LILRB4: variants seen among roughly 807,000 people sequenced by gnomAD.
LILRB4 encodes leukocyte immunoglobulin like receptor B4.
In LILRB4, 49 loss-of-function variants were observed where a neutral mutation model predicts 55.2. The ratio of observed to expected loss-of-function variants is 0.89; its 90% CI spans 0.71 to 1.13. The LOEUF is 1.13. Among genes scored for constraint, LILRB4 ranks in the 50% most tolerant of loss-of-function variants. LILRB4 has a pLI of 0.00. For synonymous variants in LILRB4, 229 were observed against 213.8 expected, an observed-to-expected ratio of 1.07 and a Z score of -0.62; for missense variants, 590 against 555.2, an observed-to-expected ratio of 1.06 and a Z score of -0.63.
At chr19:54,667,303 T>C in intron 10 of LILRB4, 1 of 587,364 alleles carries the variant, frequency 1.7e-6, no homozygotes, top group South Asian at 1.8e-5. Context: ...TCTGCTCAGC[T>C]GTCATCTGAG....
In LILRB4 at chr19:54,666,620, A is replaced by G; in HGVS notation, c.989-77A>G. On this transcript the variant is annotated intron_variant, in intron 9 of 11. Coordinates refer to ENST00000430952, the Ensembl canonical transcript of LILRB4. This position sits in a 1 kb window ranked among gnomAD's most constrained non-coding sequence, Gnocchi z 4.8. The stretch of plus-strand genomic sequence containing the variant: ...CTGCGTTGCAGTGGCACTAATGGGA[A>G]CAGGGCAGGGACCAGCAGGAATGAG... 4 of 1,524,046 alleles carry G rather than the reference A, an allele frequency of 2.6e-6. No homozygotes were observed. Among genetic ancestry groups the G allele is most frequent in the Middle Eastern group, 1.7e-4 (1 of 5,886 alleles). The allele number at this position is 1,524,046 out of a possible 1,614,324, so 94.4% of individuals were successfully genotyped here.
exon 12 of LILRB4, chr19:54,668,390 C>A: frequency 4.9e-6 from 1 of 204,650 alleles, no homozygotes; most frequent in Non-Finnish European, 9.9e-6. Context: ...AATGTTTATT[C>A]TTGAAAACAT....
rs201717421 is a variant in LILRB4 at position 54,666,771 on chromosome 19, C to A, written c.1041+22C>A. 7,900 of 1,610,960 alleles carry A rather than the reference C, an allele frequency of 4.9e-3. 31 individuals carry two copies. The highest frequency in any genetic ancestry group is 0.011 in the Middle Eastern group (66 of 5,952). ...TCGGGTGAGAACCCGCCCCTGTCCC[C>A]GGCACCAAAGGCCTCCTGGTGCCAG... is the stretch of plus-strand genomic sequence containing the variant. On this transcript the variant is annotated intron_variant, in intron 10 of 11. Coordinates refer to ENST00000430952, the Ensembl canonical transcript of LILRB4. The surrounding 1 kb of genome is among the most constrained non-coding windows in gnomAD (Gnocchi z 4.8).
At chr19:54,664,960 C>T (rs778061158) in intron 5 of LILRB4, 111 bp downstream of exon 5, 8 of 1,377,036 alleles carry the variant, frequency 5.8e-6, no homozygotes, top group East Asian at 2.4e-5. Context: ...CTTGCTTCCA[C>T]GGGTGTGGGA....
In LILRB4 at chr19:54,665,118, G is replaced by A. The variant is rs1440357652; in HGVS notation, c.707-12G>A. On this transcript the variant is annotated splice_polypyrimidine_tract_variant and intron_variant, in intron 5 of 11. Coordinates refer to ENST00000430952, the Ensembl canonical transcript of LILRB4. This position sits in a 1 kb window ranked among gnomAD's most constrained non-coding sequence, Gnocchi z 5.5. ...GGGCAGCCCCAGCCCTCACATCCCT[G>A]TTCTAACCCAGCAGGCCCTGAGGAC... 4.8e-5 allele frequency: 77 copies of A among 1,609,648 alleles called. No homozygotes were observed. The highest frequency in any genetic ancestry group is 6.3e-5 in the Non-Finnish European group (74 of 1,177,724).
chr19:54,665,710 G>T lies in LILRB4; in HGVS notation c.758-105G>T. ...TCTCAGGTTGCACAACTGCTGTGAGGGTTGGAGGTAATGAAAGAAAGACCC... is the reference window on the plus strand; with the variant it reads ...TCTCAGGTTGCACAACTGCTGTGAGTGTTGGAGGTAATGAAAGAAAGACCC... On this transcript the variant is annotated intron_variant, in intron 6 of 11. Transcript: ENST00000430952. The surrounding 1 kb of genome is among the most constrained non-coding windows in gnomAD (Gnocchi z 5.5). 2.3e-6 allele frequency: 3 copies of T among 1,318,500 alleles called. No homozygotes were observed. The highest frequency in any genetic ancestry group is 2.0e-5 in the Admixed American group (1 of 50,628). 81.7% of individuals were successfully genotyped at this position (1,318,500 alleles called of 1,614,324 possible). A position where few individuals can be genotyped will look rare whatever the true frequency, so the allele number is the denominator to read the frequency against.
chr19:54,668,616 A>G (rs55736564), downstream of LILRB4: 2,690 of 152,474 alleles, frequency 0.018, 37 homozygotes, highest in South Asian at 0.046. Context: ...CTTAATGAAC[A>G]TAAGGATAAA....
Position 54,666,074 on chromosome 19 carries a change from TGAGG to T in LILRB4, c.874+147_874+150del. The T allele has an allele frequency of 7.8e-7, 1 of 1,282,154 alleles. No homozygotes were observed. The highest frequency in any genetic ancestry group is 2.2e-5 in the Admixed American group (1 of 45,170). 79.4% of individuals were successfully genotyped at this position (1,282,154 alleles called of 1,614,324 possible). A position where few individuals can be genotyped will look rare whatever the true frequency, so the allele number is the denominator to read the frequency against. On this transcript the variant is annotated intron_variant, in intron 7 of 11. Coordinates refer to ENST00000430952, the Ensembl canonical transcript of LILRB4. This position sits in a 1 kb window ranked among gnomAD's most constrained non-coding sequence, Gnocchi z 4.8. ...GAAAATCTAGAAAGAAGAAAATGAA[TGAGG>T]GAGTAATGGAAGTGCTTTATTCTTT...
chr19:54,665,763 A>G lies in LILRB4; in HGVS notation c.758-52A>G. The G allele has an allele frequency of 6.5e-7, 1 of 1,529,408 alleles. No homozygotes were observed. Among genetic ancestry groups the G allele is most frequent in the East Asian group, 2.4e-5 (1 of 41,210 alleles). The allele number at this position is 1,529,408 out of a possible 1,614,324, so 94.7% of individuals were successfully genotyped here. On this transcript the variant is annotated intron_variant, in intron 6 of 11. Transcript: ENST00000430952. The surrounding 1 kb of genome is among the most constrained non-coding windows in gnomAD (Gnocchi z 5.5). ...CACACACAGTAGGTGCACACACAGT[A>G]GGTGTGCACATCAATGACATCATCC...
chr19:54,667,567 A>G (rs1782146103), intron 10 of LILRB4, 68 bp from the exon 11 acceptor site: 17 of 1,599,118 alleles, frequency 1.1e-5, no homozygotes, highest in Non-Finnish European at 1.2e-5. Context: ...CCCTGGGAAC[A>G]GTGGGGAAAA....
chr19:54,667,375 C>T lies in LILRB4; in HGVS notation c.1042-263C>T, dbSNP rs548235672. The T allele has an allele frequency of 1.6e-3, 1,058 of 678,030 alleles. 3 individuals are homozygous for T. Among genetic ancestry groups the T allele is most frequent in the Non-Finnish European group, 2.4e-3 (952 of 398,488 alleles). The allele number at this position is 678,030 out of a possible 1,614,324, so 42.0% of individuals were successfully genotyped here. ...GACGAGCCCCTGCAGGCAGAGGAAA[C>T]AGCCGTGCAAAGGCCCCGAGGCAGC... On this transcript the variant is annotated intron_variant, in intron 10 of 11. Coordinates refer to ENST00000430952, the Ensembl canonical transcript of LILRB4.
At position 54,666,182 on chromosome 19, in the gene LILRB4, G is replaced by T; in HGVS notation, c.875-58G>T. On this transcript the variant is annotated intron_variant, in intron 7 of 11. Coordinates refer to ENST00000430952, the Ensembl canonical transcript of LILRB4. The surrounding 1 kb of genome is among the most constrained non-coding windows in gnomAD (Gnocchi z 4.8). ...GGTTTCCTTTCCTCTTGACTTGCAT[G>T]TGCAAGGCAGGTGGTTCTAACGTTC... 1 of 1,474,762 alleles carries T rather than the reference G, an allele frequency of 6.8e-7. No individual in the cohort carries two copies. Among genetic ancestry groups the T allele is most frequent in the East Asian group, 2.3e-5 (1 of 44,000 alleles). The allele number at this position is 1,474,762 out of a possible 1,614,324, so 91.4% of individuals were successfully genotyped here. A position where few individuals can be genotyped will look rare whatever the true frequency, so the allele number is the denominator to read the frequency against.
chr19:54,663,209 G>T, intron 1 of LILRB4, 142 bp downstream of exon 1: 1 of 940,840 alleles, frequency 1.1e-6, no homozygotes, highest in Non-Finnish European at 1.6e-6. Flanking sequence ...CACTTTGGGA[G>T]GCCGAGGCGG....
At chr19:54,664,445 G>A (rs2065173360) in exon 4 of LILRB4, 1 of 1,591,096 alleles carries the variant, frequency 6.3e-7, no homozygotes, top group Non-Finnish European at 8.5e-7. Context: ...CCCACTACCT[G>A]CTGTCACACC....
In LILRB4 at chr19:54,666,299, G is replaced by C. The variant is rs146946125; in HGVS notation, c.934G>C (p.Gly312Arg). 234 of 1,610,034 alleles carry C rather than the reference G, an allele frequency of 1.5e-4. No individual in the cohort carries two copies. Among genetic ancestry groups the C allele is most frequent in the Non-Finnish European group, 1.9e-4 (229 of 1,177,878 alleles). The change falls in exon 8 of 12, where the codon GGG becomes CGG. Residue 312 changes from glycine (G) to arginine (R), a missense_variant. By Grantham distance (125) the Gly-to-Arg change is moderately radical (BLOSUM62 -2). Coordinates refer to ENST00000430952, the Ensembl canonical transcript of LILRB4. This position sits in a 1 kb window ranked among gnomAD's most constrained non-coding sequence, Gnocchi z 4.8. The stretch of plus-strand genomic sequence containing the variant: ...GGCTGCCGAGCCAGAGCCCAAGGAC[G>C]GGGGCCTACAGAGGAGGTAATTCTG...
Position 54,666,900 on chromosome 19 carries a change from C to A in LILRB4, c.1041+151C>A. 1.2e-6 allele frequency: 1 copy of A among 840,244 alleles called. No individual in the cohort carries two copies. The highest frequency in any genetic ancestry group is 1.3e-5 in the South Asian group (1 of 74,994). 52.0% of individuals were successfully genotyped at this position (840,244 alleles called of 1,614,324 possible). On this transcript the variant is annotated intron_variant, in intron 10 of 11. Transcript: ENST00000430952. The surrounding 1 kb of genome is among the most constrained non-coding windows in gnomAD (Gnocchi z 4.8). ...CGCTGCCTCCTGCCTGCTGGGACCT[C>A]ACTCTCTCCTGCTGTCCTGGGACCT...
In LILRB4 at chr19:54,666,471, G is replaced by A. The variant is rs977413815; in HGVS notation, c.988+35G>A. On this transcript the variant is annotated intron_variant, in intron 9 of 11. Transcript: ENST00000430952. This position sits in a 1 kb window ranked among gnomAD's most constrained non-coding sequence, Gnocchi z 4.8. ...AGGCAGAGAAGGTGCACCTGGGGTG[G>A]AGCTGGGGGTCCCAAAATTTCAATA... The A allele has an allele frequency of 1.2e-6, 2 of 1,611,810 alleles. No individual in the cohort carries two copies. Among genetic ancestry groups the A allele is most frequent in the Non-Finnish European group, 8.5e-7 (1 of 1,178,542 alleles).
intron 4 of LILRB4, 135 bp downstream of exon 4, chr19:54,664,620 ACAGGGG>A: frequency 4.6e-6 from 5 of 1,076,602 alleles, no homozygotes; most frequent in Non-Finnish European, 6.7e-6. Flanking sequence ...GAGGAGGACA[ACAGGGG>A]CCCTCCCAGG....
At chr19:54,667,579 T>G in intron 10 of LILRB4, 56 bp from the exon 11 acceptor site, 1 of 1,603,340 alleles carries the variant, frequency 6.2e-7, no homozygotes, top group South Asian at 1.1e-5. Context: ...TGGGGAAAAT[T>G]GACTCCAGGG....
Sources: allele counts gnomAD v4.1 joint callset, GRCh38; gene constraint gnomAD v4.1.1; non-coding constraint Gnocchi (gnomAD v3.1); transcripts MANE v1.5; gene names NCBI Gene and HGNC (gene_info 2026-07-23, HGNC 2026-07-21).